Variants in CDKN2B-AS1 observed in about 807,000 individuals in gnomAD.
The protein encoded by CDKN2B-AS1 is CDKN2B antisense RNA 1 (non-protein coding).
At chr9:22,090,335 A>G (rs990260806) in intron 4 of CDKN2B-AS1, among the ~76,000 whole-genome samples, 4 of 152,204 alleles carry the variant, frequency 2.6e-5, no homozygotes, top group African/African-American at 7.2e-5. Context: ...TCCTTTGGGT[A>G]TAGACCCAGT....
chr9:22,102,352 T>C (rs1388399591), intron 4 of CDKN2B-AS1, among the ~76,000 whole-genome samples: 1 of 152,204 alleles, frequency 6.6e-6, no homozygotes, highest in Non-Finnish European at 1.5e-5. Flanking sequence ...TGTAAGGGAT[T>C]GTGTAAGTTT....
chr9:22,046,994 A>T (rs1823135132), intron 2 of CDKN2B-AS1: 1 of 152,166 alleles, frequency 6.6e-6, no homozygotes, highest in African/African-American at 2.4e-5. Flanking sequence ...AATGTAGCCT[A>T]CTTCATTTCT....
intron 1 of CDKN2B-AS1, chr9:22,030,514 G>A (rs1370999337): frequency 1.3e-5 from 2 of 152,110 alleles, no homozygotes; most frequent in Admixed American, 6.6e-5. Flanking sequence ...AAATGTTACA[G>A]TGACACAATG....
chr9:22,082,751 G>T (rs756095009), intron 4 of CDKN2B-AS1, among the ~76,000 whole-genome samples: 2 of 152,200 alleles, frequency 1.3e-5, no homozygotes, highest in Non-Finnish European at 2.9e-5. Context: ...ACTTCATGTA[G>T]AGTGAGGATA....
intron 4 of CDKN2B-AS1, among the ~76,000 whole-genome samples, chr9:22,090,437 C>T (rs1216226967): frequency 1.3e-5 from 2 of 152,288 alleles, no homozygotes; most frequent in Admixed American, 1.3e-4. Flanking sequence ...AGTTTACAGT[C>T]CCACCAGCAG....
intron 1 of CDKN2B-AS1, among the ~76,000 whole-genome samples, chr9:22,026,817 C>T (rs1435870363): frequency 3.3e-5 from 5 of 152,256 alleles, no homozygotes; most frequent in East Asian, 3.9e-4. Context: ...TGAGACTCCA[C>T]GTGGCTGTGT....
intron 1 of CDKN2B-AS1, among the ~76,000 whole-genome samples, chr9:22,014,572 T>G (rs1421636281): frequency 6.6e-6 from 1 of 152,150 alleles, no homozygotes; most frequent in African/African-American, 2.4e-5. Context: ...ATTTATAAAT[T>G]TTCAAAATAA....
At chr9:22,120,980 A>C (rs1489363233) in intron 4 of CDKN2B-AS1, 1 of 152,170 alleles carries the variant, frequency 6.6e-6, no homozygotes, top group African/African-American at 2.4e-5. Context: ...AAGAAGTTGC[A>C]CCGCTGGTAA....
At chr9:22,109,496 C>G (rs115501647) in intron 4 of CDKN2B-AS1, among the ~76,000 whole-genome samples, 1 of 152,124 alleles carries the variant, frequency 6.6e-6, no homozygotes, top group Non-Finnish European at 1.5e-5. Context: ...CCTGCGTGTA[C>G]TTATTGAAGG....
At chr9:22,066,038 G>A (rs1009810308) in intron 4 of CDKN2B-AS1, among the ~76,000 whole-genome samples, 1 of 152,076 alleles carries the variant, frequency 6.6e-6, no homozygotes, top group Non-Finnish European at 1.5e-5. Flanking sequence ...CCCCTGGAAG[G>A]CTGATTAACC....
intron 1 of CDKN2B-AS1, chr9:22,031,086 A>G (rs649436): frequency 5.9e-5 from 9 of 152,132 alleles, no homozygotes; most frequent in East Asian, 1.9e-4. Flanking sequence ...ATTTGTATAT[A>G]TCACCTTCAC....
intron 4 of CDKN2B-AS1, among the ~76,000 whole-genome samples, chr9:22,080,478 G>A (rs567999090): frequency 2.9e-4 from 44 of 152,332 alleles, no homozygotes; most frequent in South Asian, 2.7e-3. Context: ...GAGGGGCAGC[G>A]GGGGCAGCCC....
rs1287572561 is a variant in CDKN2B-AS1, at chr9:21,996,670, C to T, written n.29+1509C>T. Among the ~76,000 whole-genome samples the T allele has an allele frequency of 6.6e-6, 1 of 152,170 alleles. No homozygotes were observed. Among genetic ancestry groups the T allele is most frequent in the Non-Finnish European group, 1.5e-5 (1 of 68,036 alleles). On this transcript the variant is annotated intron_variant and non_coding_transcript_variant, in intron 1 of 4. Coordinates refer to ENST00000650946, the Ensembl canonical transcript of CDKN2B-AS1. The surrounding 1 kb of genome is among the most constrained non-coding windows in gnomAD (Gnocchi z 5.4). ...ACCTATGCCACGCCCCCAGCATTCC[C>T]CTCCTACCACCACCTTCAGCCGGCC...
rs186240011 is a variant in CDKN2B-AS1 at position 22,027,124 on chromosome 9, A to G, written n.30-19627A>G. ...TTTCCGCCCTGTGAGAGTCACACAC[A>G]TTAACTGCTTCTAGTTGGCCATCTT... is the stretch of plus-strand genomic sequence containing the variant. On this transcript the variant is annotated intron_variant and non_coding_transcript_variant, in intron 1 of 4. Coordinates refer to ENST00000650946, the Ensembl canonical transcript of CDKN2B-AS1. Among the ~76,000 whole-genome samples the G allele has an allele frequency of 5.9e-5, 9 of 151,744 alleles. 1 individual carries two copies. Among genetic ancestry groups the G allele is most frequent in the African/African-American group, 2.2e-4 (9 of 41,352 alleles).
intron 4 of CDKN2B-AS1, among the ~76,000 whole-genome samples, chr9:22,085,920 T>C (rs2131335607): frequency 6.6e-6 from 1 of 151,758 alleles, no homozygotes; most frequent in East Asian, 1.9e-4. Context: ...TTTCTTTGAT[T>C]CAATTTCACA....
At position 22,099,231 on chromosome 9, in the gene CDKN2B-AS1, C is replaced by T. The variant is rs544103623; in HGVS notation, n.439-27872C>T. Among the ~76,000 whole-genome samples the T allele has an allele frequency of 3.3e-5, 5 of 152,116 alleles. 1 individual carries two copies. Among genetic ancestry groups the T allele is most frequent in the African/African-American group, 9.6e-5 (4 of 41,500 alleles). ...TTGAGGAATAGCCAATAGCTGGGCA[C>T]GTCTAGAGCATAGGGTAGTAGAGAG... On this transcript the variant is annotated intron_variant and non_coding_transcript_variant, in intron 4 of 4. Coordinates refer to ENST00000650946, the Ensembl canonical transcript of CDKN2B-AS1.
intron 4 of CDKN2B-AS1, among the ~76,000 whole-genome samples, chr9:22,089,314 T>A (rs190291086): frequency 1.2e-4 from 19 of 152,346 alleles, no homozygotes; most frequent in Admixed American, 3.3e-4. Flanking sequence ...ATTGATGATA[T>A]TTATCTGATA....
chr9:22,088,282 A>G (rs536110814), intron 4 of CDKN2B-AS1, among the ~76,000 whole-genome samples: 5 of 152,318 alleles, frequency 3.3e-5, no homozygotes, highest in Non-Finnish European at 7.3e-5. Context: ...ATGTTTTATT[A>G]TACTTGATAT....
chr9:22,074,691 T>C (rs891074557), intron 4 of CDKN2B-AS1, among the ~76,000 whole-genome samples: 2 of 152,178 alleles, frequency 1.3e-5, no homozygotes, highest in African/African-American at 4.8e-5. Context: ...TTTCTTGCAC[T>C]TTACTAGGTT....
Sources: gnomAD v4.1 joint callset for allele counts (sites outside exome capture counted in the v4.1 genomes callset) on GRCh38, gnomAD v4.1.1 for gene constraint, Gnocchi (gnomAD v3.1) non-coding constraint, MANE v1.5 for transcripts, NCBI Gene and HGNC (gene_info 2026-07-23, HGNC 2026-07-21) for gene names.